SOX5: variants seen among roughly 807,000 people sequenced by gnomAD.
The protein encoded by SOX5 is SRY-box transcription factor 5.
Under a neutral mutation model 92.0 loss-of-function variants are expected in SOX5, and 9 were observed. The ratio of observed to expected loss-of-function variants is 0.10; its 90% CI spans 0.06 to 0.17. The LOEUF is 0.17. SOX5 is among the 10% of genes least tolerant of loss of function. The probability of loss-of-function intolerance (pLI) is 1.00; values close to 1 mark genes in which losing one functional copy is unlikely to be tolerated. For synonymous variants in SOX5, 344 were observed against 336.3 expected, an observed-to-expected ratio of 1.02 and a Z score of -0.25; for missense variants, 642 against 944.5, an observed-to-expected ratio of 0.68 and a Z score of 4.20.
At chr12:23,632,948 T>C (rs972984691) in intron 8 of SOX5, among the ~76,000 whole-genome samples, 2 of 152,120 alleles carry the variant, frequency 1.3e-5, no homozygotes, top group African/African-American at 4.8e-5. Flanking sequence ...ATTTTTAAAA[T>C]AGTCCTACTA....
chr12:23,686,547 GATTTTA>G (rs1213312025), intron 6 of SOX5, among the ~76,000 whole-genome samples: 1 of 152,094 alleles, frequency 6.6e-6, no homozygotes, highest in Middle Eastern at 3.2e-3. Flanking sequence ...CTCTCAAACT[GATTTTA>G]ATTATTCAAA....
At chr12:24,336,707 A>G (rs1951945768) in intron 2 of SOX5, among the ~76,000 whole-genome samples, 1 of 152,210 alleles carries the variant, frequency 6.6e-6, no homozygotes, top group Non-Finnish European at 1.5e-5. Context: ...ATAAAAGAAG[A>G]AAGAAAATGC....
intron 9 of SOX5, among the ~76,000 whole-genome samples, chr12:23,598,021 A>G (rs1360887753): frequency 6.6e-6 from 1 of 152,198 alleles, no homozygotes; most frequent in African/African-American, 2.4e-5. Flanking sequence ...TGATATGTAG[A>G]GATAAATGGC....
At chr12:23,616,547 C>T (rs2076580691) in intron 8 of SOX5, among the ~76,000 whole-genome samples, 1 of 152,284 alleles carries the variant, frequency 6.6e-6, no homozygotes, top group Non-Finnish European at 1.5e-5. Flanking sequence ...TTCACATACA[C>T]ATAATCTGAG....
At chr12:24,492,547 A>G (rs995525831) in intron 1 of SOX5, among the ~76,000 whole-genome samples, 1 of 152,168 alleles carries the variant, frequency 6.6e-6, no homozygotes, top group African/African-American at 2.4e-5. Flanking sequence ...CATTTCATAG[A>G]CTTCACTAAA....
chr12:23,666,468 CATT>C (rs2083827124), intron 6 of SOX5, among the ~76,000 whole-genome samples: 1 of 152,150 alleles, frequency 6.6e-6, no homozygotes, highest in Non-Finnish European at 1.5e-5. Flanking sequence ...AGCCTTGTCA[CATT>C]ATTAACTAGA....
intron 3 of SOX5, among the ~76,000 whole-genome samples, chr12:23,806,924 T>C (rs1394701338): frequency 6.6e-6 from 1 of 152,120 alleles, no homozygotes; most frequent in East Asian, 1.9e-4. Flanking sequence ...AAGAGTGTGT[T>C]TGTTTTTTGC....
chr12:23,831,583 G>A (rs2096321921), intron 3 of SOX5, among the ~76,000 whole-genome samples: 1 of 152,044 alleles, frequency 6.6e-6, no homozygotes, highest in African/African-American at 2.4e-5. Flanking sequence ...GAAACTCATT[G>A]CATTATTTGC....
chr12:24,019,259 C>T lies in SOX5; in HGVS notation c.-1-123235G>A, dbSNP rs560296169. Among the ~76,000 whole-genome samples the T allele has an allele frequency of 7.9e-5, 12 of 152,300 alleles. No homozygotes were observed. The South Asian group carries it at 2.3e-3, about 29-fold the overall frequency. On this transcript the variant is annotated intron_variant, in intron 4 of 4. Coordinates refer to the SOX5 transcript ENST00000446891. ...AAATGCTAGGGTTACAGGCATAAGC[C>T]ACCATGCCCAAATATAATGCATTGA...
chr12:24,521,100 G>T (rs1292546312), intron 1 of SOX5, among the ~76,000 whole-genome samples: 1 of 152,144 alleles, frequency 6.6e-6, no homozygotes, highest in South Asian at 2.1e-4. Flanking sequence ...GTCCCCCAAG[G>T]CTGGAGTGCA....
chr12:23,812,787 T>C (rs2095900721), intron 3 of SOX5, among the ~76,000 whole-genome samples: 2 of 152,200 alleles, frequency 1.3e-5, no homozygotes, highest in Admixed American at 1.3e-4. Context: ...AATACTGATG[T>C]ACTGTATCTC....
At chr12:24,068,810 T>C (rs557970502) in intron 4 of SOX5, among the ~76,000 whole-genome samples, 55 of 148,206 alleles carry the variant, frequency 3.7e-4, no homozygotes, top group African/African-American at 1.3e-3. Context: ...ATCACCACTA[T>C]ATACATAAGG....
At chr12:23,744,766 A>C (rs2093924088) in intron 4 of SOX5, among the ~76,000 whole-genome samples, 1 of 152,144 alleles carries the variant, frequency 6.6e-6, no homozygotes, top group Non-Finnish European at 1.5e-5. Flanking sequence ...ATAATATTTC[A>C]GTATTAGTTT....
At chr12:23,670,914 T>C (rs952426943) in intron 6 of SOX5, among the ~76,000 whole-genome samples, 2 of 152,154 alleles carry the variant, frequency 1.3e-5, no homozygotes, top group African/African-American at 2.4e-5. Context: ...TCTCAAAACG[T>C]GCCTAATCAC....
chr12:23,999,965 A>G (rs1479926891), intron 4 of SOX5, among the ~76,000 whole-genome samples: 2 of 151,892 alleles, frequency 1.3e-5, no homozygotes, highest in Non-Finnish European at 2.9e-5. Flanking sequence ...AAGATAATAT[A>G]AACACATTTA....
intron 4 of SOX5, among the ~76,000 whole-genome samples, chr12:24,167,429 A>G (rs1953545512): frequency 6.6e-6 from 1 of 152,174 alleles, no homozygotes; most frequent in African/African-American, 2.4e-5. Flanking sequence ...GCAGGTTGGA[A>G]GAGATAAGCT....
At chr12:24,228,662 G>T (rs1037315401) in intron 3 of SOX5, among the ~76,000 whole-genome samples, 1 of 151,422 alleles carries the variant, frequency 6.6e-6, no homozygotes, top group Non-Finnish European at 1.5e-5. Flanking sequence ...GTGTGTGTGC[G>T]TGTGTGTGCG....
intron 1 of SOX5, among the ~76,000 whole-genome samples, chr12:24,375,791 T>C (rs116392612): frequency 0.01 from 1,554 of 152,184 alleles, 21 homozygotes; most frequent in African/African-American, 0.035. Context: ...TATTTTTCTT[T>C]GTATATTAAA....
At chr12:23,652,029 C>T (rs543765552) in intron 7 of SOX5, among the ~76,000 whole-genome samples, 16 of 151,956 alleles carry the variant, frequency 1.1e-4, no homozygotes, top group African/African-American at 3.4e-4. Context: ...ATATAAAACC[C>T]CTTCTGAAAC....
Sources: allele counts gnomAD v4.1 joint callset (sites outside exome capture counted in the v4.1 genomes callset), GRCh38; gene constraint gnomAD v4.1.1; transcripts MANE v1.5; gene names NCBI Gene and HGNC (gene_info 2026-07-23, HGNC 2026-07-21).